Variants in DENND1B observed in about 807,000 individuals in gnomAD.
DENND1B encodes the protein DENN domain containing 1B, also known as DENN domain-containing protein 1B.
In DENND1B, 59 loss-of-function variants were observed where a neutral mutation model predicts 90.1. The observed-to-expected ratio is 0.65, with a 90% CI of 0.53 to 0.81. DENND1B has a LOEUF of 0.81. Ranked by LOEUF, DENND1B falls within the 40% of genes least tolerant of loss-of-function variation. The pLI is 0.00. For synonymous variants in DENND1B, 337 were observed against 324.6 expected (o/e 1.04, Z -0.41); for missense variants, 862 against 912.6 (o/e 0.94, Z 0.71).
chr1:197,678,180 C>G (rs1237793557), intron 3 of DENND1B, among the ~76,000 whole-genome samples: 1 of 152,168 alleles, frequency 6.6e-6, no homozygotes, highest in Non-Finnish European at 1.5e-5. Context: ...ACCCATTCGT[C>G]TCCCGATAAC....
chr1:197,755,479 A>T (rs892626568), intron 2 of DENND1B, among the ~76,000 whole-genome samples: 1 of 152,206 alleles, frequency 6.6e-6, no homozygotes, highest in African/African-American at 2.4e-5. Context: ...GAAAAAAAAG[A>T]TCGGACTTTT....
intron 2 of DENND1B, among the ~76,000 whole-genome samples, chr1:197,771,982 AT>A (rs1656673513): frequency 6.6e-6 from 1 of 152,132 alleles, no homozygotes; most frequent in Non-Finnish European, 1.5e-5. Context: ...ACATTAAAGT[AT>A]TATGCTCTCA....
intron 10 of DENND1B, among the ~76,000 whole-genome samples, chr1:197,628,549 G>C (rs977929414): frequency 6.6e-6 from 1 of 152,054 alleles, no homozygotes; most frequent in Admixed American, 6.5e-5. Context: ...AGACTTAAAC[G>C]TTAGACCTAA....
At chr1:197,572,854 C>A (rs533562159) in intron 15 of DENND1B, among the ~76,000 whole-genome samples, 5 of 152,160 alleles carry the variant, frequency 3.3e-5, no homozygotes, top group African/African-American at 4.8e-5. Flanking sequence ...AACTAACAAA[C>A]AGAAAGGAAC....
chr1:197,762,336 G>C (rs1655177944), intron 2 of DENND1B, among the ~76,000 whole-genome samples: 1 of 150,868 alleles, frequency 6.6e-6, no homozygotes, highest in Non-Finnish European at 1.5e-5. Context: ...GCACAATCTT[G>C]GCTCACTGCA....
chr1:197,607,313 T>C (rs1676774146), intron 12 of DENND1B, 139 bp from the exon 13 acceptor site: 2 of 488,874 alleles, frequency 4.1e-6, no homozygotes, highest in East Asian at 6.7e-5. Context: ...TATGAAAGGA[T>C]AGAAACAACT....
At chr1:197,770,784 A>AT (rs1211413056) in intron 2 of DENND1B, among the ~76,000 whole-genome samples, 58 of 141,088 alleles carry the variant, frequency 4.1e-4, no homozygotes, top group Middle Eastern at 3.7e-3. Flanking sequence ...ATAAATATAT[A>AT]AATATATATC....
Position 197,775,156 on chromosome 1 carries a change from G to T in DENND1B, c.-1C>A. 7.7e-7 allele frequency: 1 copy of T among 1,304,340 alleles called. No individual in the cohort carries two copies. Among genetic ancestry groups the T allele is most frequent in the Non-Finnish European group, 9.8e-7 (1 of 1,018,416 alleles). 80.8% of individuals were successfully genotyped at this position (1,304,340 alleles called of 1,614,324 possible). ...CCACTCACTTGGTCCTGCAGTCCAT[G>T]GTTACATGTCGGTGTGGGGCTGTCC... On this transcript the variant is annotated 5_prime_UTR_variant, in exon 1 of 23. Transcript: ENST00000620048.
At chr1:197,761,240 A>G (rs1409006143) in intron 2 of DENND1B, among the ~76,000 whole-genome samples, 3 of 152,206 alleles carry the variant, frequency 2.0e-5, no homozygotes, top group African/African-American at 7.2e-5. Context: ...TTAACTGCTT[A>G]TAATTATTAA....
chr1:197,604,419 T>C (rs1292183947), intron 13 of DENND1B, among the ~76,000 whole-genome samples: 1 of 151,152 alleles, frequency 6.6e-6, no homozygotes, highest in East Asian at 1.9e-4. Context: ...TAAAATATTA[T>C]GTGTGAATAT....
intron 13 of DENND1B, among the ~76,000 whole-genome samples, chr1:197,599,991 T>C (rs548651565): frequency 2.1e-4 from 32 of 151,846 alleles, no homozygotes; most frequent in Non-Finnish European, 3.7e-4. Flanking sequence ...TACAGCTATA[T>C]AGGTCTTGAA....
rs1667929880 is a variant in DENND1B at position 197,510,282 on chromosome 1, G to T, written c.*178C>A. ...CTGATTTAAAAGCACAGTAGAATTC[G>T]CTTTATATTTAAAAATCAATGCATT... On this transcript the variant is annotated 3_prime_UTR_variant, in exon 23 of 23. Coordinates refer to ENST00000620048, the MANE Select transcript of DENND1B (RefSeq NM_001195215.2). 11 of 683,822 alleles carry T rather than the reference G, an allele frequency of 1.6e-5. No individual in the cohort carries two copies. In the South Asian group the frequency reaches 1.9e-4, roughly 12 times the overall value. The allele number at this position is 683,822 out of a possible 1,614,324, so 42.4% of individuals were successfully genotyped here.
chr1:197,763,627 C>G (rs1182900694), intron 2 of DENND1B, among the ~76,000 whole-genome samples: 1 of 152,170 alleles, frequency 6.6e-6, no homozygotes, highest in Non-Finnish European at 1.5e-5. Context: ...ATTCTTTACT[C>G]TTAATTATTC....
rs757639261 is a variant in DENND1B at position 197,553,008 on chromosome 1, T to A, written c.1240+14A>T. The A allele has an allele frequency of 1.3e-6, 2 of 1,572,274 alleles. No homozygotes were observed. The highest frequency in any genetic ancestry group is 1.7e-6 in the Non-Finnish European group (2 of 1,167,004). On this transcript the variant is annotated intron_variant, in intron 16 of 22. Coordinates refer to ENST00000620048, the MANE Select transcript of DENND1B (RefSeq NM_001195215.2). ...ATTGAGAAAATGGATAATCATATTG[T>A]AACTTGTCTTTACCTCCACAAAAGC...
chr1:197,560,892 G>C (rs1008517228), intron 15 of DENND1B, among the ~76,000 whole-genome samples: 2 of 151,734 alleles, frequency 1.3e-5, no homozygotes, highest in African/African-American at 2.4e-5. Flanking sequence ...CACCAAAAAA[G>C]AGAAAATCGA....
chr1:197,559,466 A>G (rs1337386642), intron 15 of DENND1B, among the ~76,000 whole-genome samples: 1 of 151,936 alleles, frequency 6.6e-6, no homozygotes, highest in Non-Finnish European at 1.5e-5. Context: ...AAATCTACAC[A>G]CCCAAATTCC....
intron 10 of DENND1B, among the ~76,000 whole-genome samples, chr1:197,621,148 G>A (rs1287747812): frequency 1.3e-5 from 2 of 151,280 alleles, no homozygotes; most frequent in Admixed American, 1.3e-4. Flanking sequence ...GTCAGATAGA[G>A]AAGCAGAATC....
chr1:197,714,521 T>C (rs1051534529), intron 3 of DENND1B, among the ~76,000 whole-genome samples: 5 of 152,082 alleles, frequency 3.3e-5, no homozygotes, highest in Non-Finnish European at 5.9e-5. Flanking sequence ...GCATGCCATA[T>C]TTTTTAAAGA....
chr1:197,546,495 A>G (rs548893048), intron 17 of DENND1B, among the ~76,000 whole-genome samples: 1 of 152,336 alleles, frequency 6.6e-6, no homozygotes, highest in South Asian at 2.1e-4. Context: ...ATTTGGCAGT[A>G]AAATCTTGCT....
Sources: allele counts gnomAD v4.1 joint callset (sites outside exome capture counted in the v4.1 genomes callset), GRCh38; gene constraint gnomAD v4.1.1; transcripts MANE v1.5; gene names NCBI Gene and HGNC (gene_info 2026-07-23, HGNC 2026-07-21).